The following MINDY4 variants were observed in gnomAD, a reference collection of about 807,000 sequenced individuals.
MINDY4 encodes probable ubiquitin carboxyl-terminal hydrolase MINDY-4.
A neutral mutation model predicts 87.0 loss-of-function variants in MINDY4; 68 were observed. That is an observed-to-expected ratio of 0.78 (90% confidence interval 0.64 to 0.96). The LOEUF is 0.96. Among genes scored for constraint, MINDY4 ranks in the 40% least tolerant of loss-of-function variants. The pLI, the probability that MINDY4 is intolerant of heterozygous loss-of-function variation, is 0.00. For missense variants in MINDY4, 919 were observed against 928.2 expected, an observed-to-expected ratio of 0.99 and a Z score of 0.13; for synonymous variants, 379 against 363.2, an observed-to-expected ratio of 1.04 and a Z score of -0.50.
At chr7:30,807,442 A>G (rs1236324979) in intron 5 of MINDY4, among the ~76,000 whole-genome samples, 1 of 152,132 alleles carries the variant, frequency 6.6e-6, no homozygotes, top group East Asian at 1.9e-4. Flanking sequence ...TTTAAAATTC[A>G]ACACACTCCT....
At chr7:30,789,866 C>T (rs907688554) in intron 4 of MINDY4, among the ~76,000 whole-genome samples, 6 of 152,118 alleles carry the variant, frequency 3.9e-5, no homozygotes, top group African/African-American at 1.2e-4. Flanking sequence ...TCATCTTTGA[C>T]GGTAAGGGAG....
chr7:30,882,864 C>G, intron 16 of MINDY4, 57 bp from the exon 17 acceptor site: 1 of 1,560,884 alleles, frequency 6.4e-7, no homozygotes, highest in Non-Finnish European at 8.8e-7. Flanking sequence ...CAGCGCTGAC[C>G]TCAGGGTGAG....
At chr7:30,871,219 C>T (rs532131985) in intron 13 of MINDY4, among the ~76,000 whole-genome samples, 1 of 152,370 alleles carries the variant, frequency 6.6e-6, no homozygotes, top group African/African-American at 2.4e-5. Flanking sequence ...CCAGAGCCAG[C>T]TTCTCTGTGC....
rs749950242 is a variant in MINDY4 at position 30,778,550 on chromosome 7, A to G, written c.182A>G (p.Lys61Arg). ...CTTGAATTTCTCTATAAGGAGAACA[A>G]GGTATGTGCTTTCTAAGGTGTGGTG... ...LHLEFLYKENKAKENPLKTSL... is the reference protein window; with the variant it reads ...LHLEFLYKENRAKENPLKTSL... Residue 61 changes from lysine to arginine, a missense_variant and splice_region_variant, in exon 2 of 18, where the codon AAG becomes AGG. By Grantham distance (26) the Lys-to-Arg change is conservative. Coordinates refer to ENST00000265299, the MANE Select transcript of MINDY4 (RefSeq NM_032222.3). 1 of 1,614,172 alleles carries G rather than the reference A, an allele frequency of 6.2e-7. No individual in the cohort carries two copies. Among genetic ancestry groups the G allele is most frequent in the South Asian group, 1.1e-5 (1 of 91,068 alleles).
chr7:30,829,274 T>A (rs58693768), intron 6 of MINDY4, among the ~76,000 whole-genome samples: 96 of 149,666 alleles, frequency 6.4e-4, no homozygotes, highest in African/African-American at 2.4e-3. Flanking sequence ...CTCTTTAGTT[T>A]TGAAGCAAAC....
At chr7:30,858,896 A>G (rs185526088) in intron 12 of MINDY4, 183 of 466,346 alleles carry the variant, frequency 3.9e-4, no homozygotes, top group African/African-American at 3.2e-3. Context: ...GGCAGTAATC[A>G]TAGTACTGTC....
chr7:30,887,996 A>G (rs983240487), intron 17 of MINDY4, among the ~76,000 whole-genome samples: 58 of 152,338 alleles, frequency 3.8e-4, no homozygotes, highest in African/African-American at 1.3e-3. Context: ...AAAGCATACA[A>G]GAGGCGTCCC....
Position 30,838,505 on chromosome 7 carries a change from AGT to A in MINDY4, c.1240-691_1240-690del, listed in dbSNP as rs1228811725. ...ATAGTGTATTTTTGGCTTTGCTGGC[AGT>A]GTGATCTCTGCTGCACCTATTCAAC... On this transcript the variant is annotated intron_variant, in intron 7 of 17. Transcript: ENST00000265299. Among the ~76,000 whole-genome samples the A allele has an allele frequency of 5.9e-5, 9 of 152,324 alleles. No individual in the cohort carries two copies. The East Asian group carries it at 1.7e-3, about 29-fold the overall frequency.
chr7:30,865,218 G>A (rs1177798431), intron 13 of MINDY4, among the ~76,000 whole-genome samples: 1 of 152,224 alleles, frequency 6.6e-6, no homozygotes, highest in Admixed American at 6.5e-5. Flanking sequence ...GGTCACATGT[G>A]AGGCAGGGTG....
intron 5 of MINDY4, among the ~76,000 whole-genome samples, chr7:30,805,009 A>G (rs1354500000): frequency 6.6e-6 from 1 of 152,222 alleles, no homozygotes; most frequent in African/African-American, 2.4e-5. Context: ...CAGGTGCCCC[A>G]AGAGCCAGAC....
chr7:30,857,627 C>T lies in MINDY4; in HGVS notation c.1678-1630C>T, dbSNP rs1789618293. The T allele has an allele frequency of 1.8e-5, 2 of 112,200 alleles. 1 individual carries two copies. Among genetic ancestry groups the T allele is most frequent in the Admixed American group, 1.5e-4 (2 of 13,228 alleles). 7.0% of individuals were successfully genotyped at this position (112,200 alleles called of 1,614,324 possible). ...AGCTGGGACTACAGGCGCCCGCTAC[C>T]ACGCCCGGCTAATTTTTTGTATTTT... On this transcript the variant is annotated intron_variant, in intron 12 of 17. Coordinates refer to ENST00000265299, the MANE Select transcript of MINDY4 (RefSeq NM_032222.3).
At chr7:30,793,932 A>G (rs549073613) in intron 5 of MINDY4, among the ~76,000 whole-genome samples, 18 of 152,332 alleles carry the variant, frequency 1.2e-4, no homozygotes, top group Non-Finnish European at 1.6e-4. Flanking sequence ...AGCATCCTTC[A>G]ACCCAGCAAT....
intron 13 of MINDY4, among the ~76,000 whole-genome samples, chr7:30,871,515 G>A (rs1385777606): frequency 6.6e-6 from 1 of 152,184 alleles, no homozygotes; most frequent in Non-Finnish European, 1.5e-5. Flanking sequence ...TCTGCTCACC[G>A]GGATACTGAA....
chr7:30,841,818 A>G (rs996189967), intron 9 of MINDY4, among the ~76,000 whole-genome samples: 5 of 152,182 alleles, frequency 3.3e-5, no homozygotes, highest in African/African-American at 1.2e-4. Flanking sequence ...TCCTGAAGTT[A>G]TATTAATAAT....
At chr7:30,795,773 G>T (rs1331747037) in intron 5 of MINDY4, among the ~76,000 whole-genome samples, 1 of 152,158 alleles carries the variant, frequency 6.6e-6, no homozygotes, top group Non-Finnish European at 1.5e-5. Flanking sequence ...GCCTTTTCCA[G>T]GTTTAAGAGG....
intron 1 of MINDY4, among the ~76,000 whole-genome samples, chr7:30,776,589 C>T (rs1440743066): frequency 6.6e-6 from 1 of 152,198 alleles, no homozygotes; most frequent in Non-Finnish European, 1.5e-5. Flanking sequence ...ACTGCTCTGC[C>T]TCTAGCAACT....
chr7:30,810,363 T>C (rs1469011813), intron 5 of MINDY4, among the ~76,000 whole-genome samples: 1 of 149,638 alleles, frequency 6.7e-6, no homozygotes, highest in Non-Finnish European at 1.5e-5. Context: ...AAAAAGTTTA[T>C]GTGCAAGGTG....
intron 5 of MINDY4, among the ~76,000 whole-genome samples, chr7:30,799,835 G>A (rs1211363145): frequency 6.6e-6 from 1 of 152,346 alleles, no homozygotes; most frequent in South Asian, 2.1e-4. Flanking sequence ...GTGGGGTGAG[G>A]AAAGTGGAAC....
At position 30,853,492 on chromosome 7, in the gene MINDY4, C is replaced by T. The variant is rs186805139; in HGVS notation, c.1677+33C>T. On this transcript the variant is annotated intron_variant, in intron 12 of 17. Coordinates refer to ENST00000265299, the MANE Select transcript of MINDY4 (RefSeq NM_032222.3). The stretch of plus-strand genomic sequence containing the variant: ...GCATGCCTTACTCCTGTGGGATGTG[C>T]GTCACTAAGCCTTCTGATTTCACTG... 1.8e-4 allele frequency: 279 copies of T among 1,529,704 alleles called. No homozygotes were observed. In the African/African-American group the frequency reaches 3.2e-3, roughly 18 times the overall value. 94.8% of individuals were successfully genotyped at this position (1,529,704 alleles called of 1,614,324 possible).
Sources: gnomAD v4.1 joint callset for allele counts (sites outside exome capture counted in the v4.1 genomes callset) on GRCh38, gnomAD v4.1.1 for gene constraint, MANE v1.5 for transcripts, NCBI Gene and HGNC (gene_info 2026-07-23, HGNC 2026-07-21) for gene names.